Variants in OSBPL8 observed in about 807,000 individuals in gnomAD.
The protein encoded by OSBPL8 is oxysterol binding protein like 8, also known as oxysterol-binding protein-related protein 8.
Under a neutral mutation model 125.5 loss-of-function variants are expected in OSBPL8, and 59 were observed. That is an observed-to-expected ratio of 0.47 (90% CI 0.38 to 0.58). OSBPL8 has a LOEUF of 0.58. Ranked by LOEUF, OSBPL8 falls within the 20% of genes least tolerant of loss-of-function variation. The pLI is 0.00. For missense variants in OSBPL8, 758 were observed against 1,047.8 expected, an observed-to-expected ratio of 0.72 and a Z score of 3.82; for synonymous variants, 330 against 338.9, an observed-to-expected ratio of 0.97 and a Z score of 0.29.
chr12:76,451,458 C>G (rs1300639503), intron 3 of OSBPL8, among the ~76,000 whole-genome samples: 2 of 152,112 alleles, frequency 1.3e-5, no homozygotes, highest in Admixed American at 1.3e-4. Flanking sequence ...AGAATTTCTA[C>G]TCTAATTTCT....
chr12:76,417,854 TGTTTCA>T (rs1197345862), intron 4 of OSBPL8, among the ~76,000 whole-genome samples: 2 of 152,166 alleles, frequency 1.3e-5, no homozygotes, highest in Non-Finnish European at 2.9e-5. Flanking sequence ...TACTGTTTGT[TGTTTCA>T]GTTACTTCTC....
chr12:76,499,366 TA>T (rs374077241), intron 1 of OSBPL8, among the ~76,000 whole-genome samples: 4 of 76,408 alleles, frequency 5.2e-5, no homozygotes, highest in East Asian at 3.8e-4. Flanking sequence ...TCTATCTATC[TA>T]ATCTATCTAA....
Position 76,356,016 on chromosome 12 carries a change from A to C in OSBPL8, c.2543T>G (p.Ile848Ser). The C allele has an allele frequency of 6.2e-7, 1 of 1,605,330 alleles. No individual in the cohort carries two copies. The highest frequency in any genetic ancestry group is 8.5e-7 in the Non-Finnish European group (1 of 1,177,640). ...KQTQEEIKRNIMALRNHLVSS... is the reference protein window; with the variant it reads ...KQTQEEIKRNSMALRNHLVSS... ...AACTAAATGATTTCGAAGAGCCATA[A>C]TATTTCTATAAAAATAAGCAACAAC... The change falls in exon 24 of 24, where the codon ATT becomes AGT. Residue 848 changes from isoleucine (I) to serine (S), a missense_variant. Ile to Ser is a moderately radical substitution (Grantham distance 142). This residue lies in a region of OSBPL8 where 572 missense variants were observed against 762.0 expected (regional missense o/e 0.75). Transcript: ENST00000261183.
At chr12:76,527,151 T>C (rs1375485503) in intron 1 of OSBPL8, among the ~76,000 whole-genome samples, 1 of 150,854 alleles carries the variant, frequency 6.6e-6, no homozygotes, top group Non-Finnish European at 1.5e-5. Context: ...ATCACTGCAA[T>C]GCAAAAGAAT....
At chr12:76,542,574 C>G (rs115433357) in intron 1 of OSBPL8, among the ~76,000 whole-genome samples, 1 of 152,188 alleles carries the variant, frequency 6.6e-6, no homozygotes, top group African/African-American at 2.4e-5. Context: ...TGCATTTCTA[C>G]TAAGTTCCCA....
At chr12:76,462,402 G>A (rs1448452605) in intron 2 of OSBPL8, among the ~76,000 whole-genome samples, 1 of 151,986 alleles carries the variant, frequency 6.6e-6, no homozygotes, top group Non-Finnish European at 1.5e-5. Context: ...GATTCTATTG[G>A]ATCAATCCTA....
At chr12:76,464,016 C>A (rs887631046) in intron 2 of OSBPL8, among the ~76,000 whole-genome samples, 1 of 152,142 alleles carries the variant, frequency 6.6e-6, no homozygotes, top group African/African-American at 2.4e-5. Flanking sequence ...TTAACTTGTA[C>A]AATATTTAAA....
At chr12:76,401,969 T>C (rs888311840) in intron 6 of OSBPL8, among the ~76,000 whole-genome samples, 3 of 152,196 alleles carry the variant, frequency 2.0e-5, no homozygotes, top group Non-Finnish European at 4.4e-5. Context: ...TTTTAAAAAC[T>C]AACAAAATCT....
At position 76,491,385 on chromosome 12, in the gene OSBPL8, C is replaced by T. The variant is rs375478486; in HGVS notation, c.-67-3767G>A. On this transcript the variant is annotated intron_variant, in intron 1 of 23. Transcript: ENST00000261183. ...AGCCAAAACCAATAAAATCAGTAGA[C>T]TTCTAATCATTTTCTTGGAGTTTCA... Among the ~76,000 whole-genome samples, 330 of 152,190 alleles carry T rather than the reference C, an allele frequency of 2.2e-3. 1 individual carries two copies. Among genetic ancestry groups the T allele is most frequent in the South Asian group, 0.014 (66 of 4,820 alleles).
intron 4 of OSBPL8, among the ~76,000 whole-genome samples, chr12:76,447,791 C>A (rs1872890818): frequency 6.6e-6 from 1 of 152,188 alleles, no homozygotes; most frequent in Non-Finnish European, 1.5e-5. Context: ...AGGTAATCCA[C>A]CCGCCTTGGC....
chr12:76,472,031 T>A (rs1876197570), intron 2 of OSBPL8, among the ~76,000 whole-genome samples: 1 of 152,232 alleles, frequency 6.6e-6, no homozygotes, highest in Admixed American at 6.5e-5. Flanking sequence ...AACAATGTTA[T>A]CTCATCCAGT....
chr12:76,375,504 T>C (rs892723145), intron 16 of OSBPL8, 134 bp from the exon 17 acceptor site: 21 of 593,288 alleles, frequency 3.5e-5, no homozygotes, highest in Non-Finnish European at 5.6e-5. Context: ...AATGAAAAAC[T>C]ATAATATAGA....
chr12:76,496,815 T>C (rs999611710), intron 1 of OSBPL8, among the ~76,000 whole-genome samples: 6 of 152,194 alleles, frequency 3.9e-5, no homozygotes, highest in African/African-American at 1.4e-4. Context: ...GTATTAGGAT[T>C]ACAGGTGTGA....
chr12:76,530,327 G>A (rs1950302643), intron 1 of OSBPL8, among the ~76,000 whole-genome samples: 1 of 149,314 alleles, frequency 6.7e-6, no homozygotes, highest in South Asian at 2.1e-4. Context: ...CAAAGTCCTA[G>A]GATTACAGCT....
At chr12:76,543,542 T>C (rs1409719884) in intron 1 of OSBPL8, among the ~76,000 whole-genome samples, 2 of 152,180 alleles carry the variant, frequency 1.3e-5, no homozygotes, top group African/African-American at 4.8e-5. Context: ...GTCGATTTTC[T>C]ACCACTCCCC....
chr12:76,373,620 T>C, intron 17 of OSBPL8, 187 bp from the exon 18 acceptor site: 1 of 472,402 alleles, frequency 2.1e-6, no homozygotes, highest in South Asian at 3.9e-5. Flanking sequence ...ATTGCTGCTA[T>C]GAAAAAAATA....
At chr12:76,379,824 G>A (rs373311472) in intron 15 of OSBPL8, among the ~76,000 whole-genome samples, 68 of 152,196 alleles carry the variant, frequency 4.5e-4, no homozygotes, top group African/African-American at 1.2e-3. Context: ...GAACATTTAC[G>A]TACAAGTCTT....
chr12:76,397,770 A>C lies in OSBPL8; in HGVS notation c.596T>G (p.Ile199Ser). Residue 199 changes from isoleucine (I) to serine (S), a missense_variant, in exon 8 of 24, where the codon ATT becomes AGT. Transcript: ENST00000261183. The part of the protein sequence containing the change: ...GTVLLNACEI[I>S]ERPSKKDGFC... Reference sequence around the variant, plus strand: ...GCCATCCTTTTTTGATGGACGTTCAATGATTTCACAGGCATTCAGAAGAAC... The same window carrying C: ...GCCATCCTTTTTTGATGGACGTTCACTGATTTCACAGGCATTCAGAAGAAC... 1 of 1,614,142 alleles carries C rather than the reference A, an allele frequency of 6.2e-7. No individual in the cohort carries two copies. The highest frequency in any genetic ancestry group is 8.5e-7 in the Non-Finnish European group (1 of 1,179,998).
intron 4 of OSBPL8, among the ~76,000 whole-genome samples, chr12:76,431,390 A>T (rs1036683406): frequency 1.3e-5 from 2 of 152,170 alleles, no homozygotes; most frequent in Non-Finnish European, 2.9e-5. Context: ...ATCAATGAAC[A>T]ATATGGCAAG....
Sources: allele counts gnomAD v4.1 joint callset (sites outside exome capture counted in the v4.1 genomes callset), GRCh38; gene constraint gnomAD v4.1.1; regional missense constraint gnomAD v4.1.1; transcripts MANE v1.5; gene names NCBI Gene and HGNC (gene_info 2026-07-23, HGNC 2026-07-21).